The following RUSC2 variants were observed in gnomAD, a reference collection of about 807,000 sequenced individuals.
RUSC2 encodes the protein AP-4 complex accessory subunit RUSC2.
In RUSC2, 34 loss-of-function variants were observed where a neutral mutation model predicts 122.2. The observed-to-expected ratio is 0.28, with a 90% CI of 0.21 to 0.37. RUSC2 has a LOEUF of 0.37. Ranked by LOEUF, RUSC2 falls within the 10% of genes least tolerant of loss-of-function variation. The probability of loss-of-function intolerance (pLI) is 1.00; values close to 1 mark genes in which losing one functional copy is unlikely to be tolerated. For synonymous variants in RUSC2, 784 were observed against 790.0 expected, an observed-to-expected ratio of 0.99 and a Z score of 0.13; for missense variants, 1,747 against 1,952.4, an observed-to-expected ratio of 0.89 and a Z score of 1.98.
chr9:35,560,558 A>C lies in RUSC2; in HGVS notation c.3918A>C (p.Ala1306=), dbSNP rs982282832. The C allele has an allele frequency of 6.2e-7, 1 of 1,614,098 alleles. No homozygotes were observed. Among genetic ancestry groups the C allele is most frequent in the Non-Finnish European group, 8.5e-7 (1 of 1,179,992 alleles). Reference sequence around the variant, plus strand: ...GCAGCAGCGAGAAAAAGAAAGGGGCAGGAGGTGGGGGACCTCCCCAGGCTC... The same window carrying C: ...GCAGCAGCGAGAAAAAGAAAGGGGCCGGAGGTGGGGGACCTCCCCAGGCTC... The part of the protein sequence containing the change: ...SNSSSEKKKG[A]GGGGPPQAPP... Residue 1306 remains alanine, a synonymous_variant, in exon 10 of 12, where the codon GCA becomes GCC. Transcript: ENST00000361226.
chr9:35,506,886 C>T (rs1296279281), intron 1 of RUSC2, among the ~76,000 whole-genome samples: 1 of 152,170 alleles, frequency 6.6e-6, no homozygotes, highest in Admixed American at 6.5e-5. Flanking sequence ...GAGCCCAAGG[C>T]AGGAGGATCA....
intron 1 of RUSC2, among the ~76,000 whole-genome samples, chr9:35,517,959 AC>A (rs2132513413): frequency 6.6e-6 from 1 of 152,338 alleles, no homozygotes; most frequent in Non-Finnish European, 1.5e-5. Context: ...CTTTGAGAGA[AC>A]AGGTACTCTG....
intron 8 of RUSC2, 67 bp from the exon 9 acceptor site, chr9:35,559,159 C>A: frequency 7.7e-7 from 1 of 1,305,900 alleles, no homozygotes; most frequent in South Asian, 1.2e-5. Context: ...GCCTGACCCC[C>A]TGGATCTGTC....
Position 35,559,402 on chromosome 9 carries a change from TCAGGCTTCCA to T in RUSC2, c.3388+132_3388+141del. Reference sequence around the variant, plus strand: ...CACACAAGCGTTCATCCTCAGAGCCTCAGGCTTCCACCCAAGGCCTTCCCCAGCCTCTGCT... The same window carrying T: ...CACACAAGCGTTCATCCTCAGAGCCTCCCAAGGCCTTCCCCAGCCTCTGCT... On this transcript the variant is annotated intron_variant, in intron 9 of 11. Coordinates refer to ENST00000361226, the MANE Select transcript of RUSC2 (RefSeq NM_014806.5). 4 of 805,996 alleles carry T rather than the reference TCAGGCTTCCA, an allele frequency of 5.0e-6. No homozygotes were observed. The East Asian group carries it at 1.0e-4, about 21-fold the overall frequency. 49.9% of individuals were successfully genotyped at this position (805,996 alleles called of 1,614,324 possible).
At chr9:35,533,298 C>G (rs773458791) in intron 1 of RUSC2, among the ~76,000 whole-genome samples, 1 of 151,634 alleles carries the variant, frequency 6.6e-6, no homozygotes, top group South Asian at 2.1e-4. Flanking sequence ...AGAGGACTAT[C>G]TGACGTCCTT....
At chr9:35,535,267 C>A (rs1278723563) in intron 1 of RUSC2, among the ~76,000 whole-genome samples, 1 of 151,926 alleles carries the variant, frequency 6.6e-6, no homozygotes, top group Non-Finnish European at 1.5e-5. Flanking sequence ...AGGTGCCCAC[C>A]ACCACACCCC....
At chr9:35,505,033 AGTT>A (rs1820886757) in intron 1 of RUSC2, among the ~76,000 whole-genome samples, 1 of 152,206 alleles carries the variant, frequency 6.6e-6, no homozygotes, top group African/African-American at 2.4e-5. Context: ...ACACTTAAAC[AGTT>A]GTTATGAAGT....
chr9:35,541,030 CTT>C (rs887948490), intron 1 of RUSC2, among the ~76,000 whole-genome samples: 18 of 152,042 alleles, frequency 1.2e-4, no homozygotes, highest in African/African-American at 4.3e-4. Flanking sequence ...TAAATGATCA[CTT>C]ATAGTATTAT....
At chr9:35,544,847 C>T (rs977172034) in intron 1 of RUSC2, among the ~76,000 whole-genome samples, 22 of 152,062 alleles carry the variant, frequency 1.4e-4, no homozygotes, top group African/African-American at 5.3e-4. Context: ...TCCAAGATAA[C>T]AAAGATTTAC....
Position 35,558,224 on chromosome 9 carries a change from C to T in RUSC2, c.3088C>T (p.Pro1030Ser). The change falls in exon 7 of 12, where the codon CCC becomes TCC. Residue 1030 changes from proline (P) to serine (S), a missense_variant. Pro to Ser is a moderately conservative substitution (Grantham distance 74). Coordinates refer to ENST00000361226, the MANE Select transcript of RUSC2 (RefSeq NM_014806.5). This position sits in a 1 kb window ranked among gnomAD's most constrained non-coding sequence, Gnocchi z 4.3. ...KAKLGNSSVS[P>S]NVGHLVLKYL... ...AAAGCTGGGAAACAGTTCTGTGAGC[C>T]CCAATGTGGGCCACCTGGTTCTGAA... The T allele has an allele frequency of 6.2e-7, 1 of 1,613,804 alleles. No individual in the cohort carries two copies. Among genetic ancestry groups the T allele is most frequent in the Non-Finnish European group, 8.5e-7 (1 of 1,180,002 alleles).
At position 35,547,703 on chromosome 9, in the gene RUSC2, A is replaced by G; in HGVS notation, c.1182A>G (p.Gln394=). 6.2e-7 allele frequency: 1 copy of G among 1,614,120 alleles called. No homozygotes were observed. The highest frequency in any genetic ancestry group is 2.2e-5 in the East Asian group (1 of 44,888). ...AGGCCCGTCTTGTTGTGGCCACACA[A>G]AATTACTATAAACTTGTCACCTGTG... ...QSQARLVVAT[Q]NYYKLVTCDL... is the part of the protein sequence containing the mutation. Residue 394 remains glutamine, a synonymous_variant, in exon 2 of 12, where the codon CAA becomes CAG. Transcript: ENST00000361226. This position sits in a 1 kb window ranked among gnomAD's most constrained non-coding sequence, Gnocchi z 4.6.
At chr9:35,523,958 G>T (rs1821271413) in intron 1 of RUSC2, among the ~76,000 whole-genome samples, 1 of 152,050 alleles carries the variant, frequency 6.6e-6, no homozygotes, top group Non-Finnish European at 1.5e-5. Flanking sequence ...AATAAATTAA[G>T]AAAGGAAGGA....
At chr9:35,511,225 C>T (rs1821005533) in intron 1 of RUSC2, among the ~76,000 whole-genome samples, 1 of 152,106 alleles carries the variant, frequency 6.6e-6, no homozygotes, top group Non-Finnish European at 1.5e-5. Context: ...ACTCAGCAGT[C>T]CCTATTGGAA....
intron 1 of RUSC2, among the ~76,000 whole-genome samples, chr9:35,537,495 A>G (rs1400261310): frequency 1.3e-5 from 2 of 152,116 alleles, no homozygotes; most frequent in African/African-American, 4.8e-5. Flanking sequence ...TTCTTGCTTT[A>G]TAGGATCAAG....
chr9:35,547,022 A>T lies in RUSC2; in HGVS notation c.501A>T (p.Gly167=). The T allele has an allele frequency of 6.2e-7, 1 of 1,607,760 alleles. No homozygotes were observed. Among genetic ancestry groups the T allele is most frequent in the Non-Finnish European group, 8.5e-7 (1 of 1,176,192 alleles). The change falls in exon 2 of 12, where the codon GGA becomes GGT. Residue 167 remains glycine (G), a synonymous_variant. Coordinates refer to ENST00000361226, the MANE Select transcript of RUSC2 (RefSeq NM_014806.5). This position sits in a 1 kb window ranked among gnomAD's most constrained non-coding sequence, Gnocchi z 4.6. ...GGGGGACAACACGCAGTCGGGCTGG[A>T]GTGGTGGAAGGGCAGGAACAGGAGC... ...RPWGTTRSRA[G]VVEGQEQEPV... is the part of the protein sequence containing the mutation.
intron 1 of RUSC2, among the ~76,000 whole-genome samples, chr9:35,504,345 T>C (rs1004762451): frequency 6.6e-6 from 1 of 152,246 alleles, no homozygotes; most frequent in Non-Finnish European, 1.5e-5. Flanking sequence ...AAGGTGGTAA[T>C]TTATTGTTTT....
At chr9:35,528,873 G>T (rs1460237043) in intron 1 of RUSC2, among the ~76,000 whole-genome samples, 1 of 151,914 alleles carries the variant, frequency 6.6e-6, no homozygotes, top group Non-Finnish European at 1.5e-5. Context: ...CTCTCTTGAG[G>T]CCAGGAATTC....
rs750299564 is a variant in RUSC2, at chr9:35,555,491, C to A, written c.2446C>A (p.Pro816Thr). Reference sequence around the variant, plus strand: ...GCCCACAGCCACAGAAAGCCTGCCCCCATGGAGCCACTCCTGTCCTTCTGC... The same window carrying A: ...GCCCACAGCCACAGAAAGCCTGCCCACATGGAGCCACTCCTGTCCTTCTGC... Reference protein sequence around the residue: ...EQPTATESLPPWSHSCPSAVR... With the variant: ...EQPTATESLPTWSHSCPSAVR... Residue 816 changes from proline (P) to threonine (T), a missense_variant, in exon 3 of 12, where the codon CCA becomes ACA. Physicochemically the swap from Pro to Thr is conservative, Grantham distance 38 (BLOSUM62 -1). Transcript: ENST00000361226. This position sits in a 1 kb window ranked among gnomAD's most constrained non-coding sequence, Gnocchi z 4.6. The A allele has an allele frequency of 3.7e-6, 6 of 1,614,226 alleles. No homozygotes were observed. Among genetic ancestry groups the A allele is most frequent in the Non-Finnish European group, 5.1e-6 (6 of 1,180,038 alleles).
At position 35,547,977 on chromosome 9, in the gene RUSC2, C is replaced by G. The variant is rs1178518781; in HGVS notation, c.1456C>G (p.Pro486Ala). The change falls in exon 2 of 12, where the codon CCC (proline) becomes GCC (alanine). Residue 486 changes from proline (P) to alanine (A), a missense_variant. Transcript: ENST00000361226. The surrounding 1 kb of genome is among the most constrained non-coding windows in gnomAD (Gnocchi z 4.6). ...GGGACAAGTATACACGAATACTTCACCCCCCAACCTCAGCACTGGACGTCA... is the reference window on the plus strand; with the variant it reads ...GGGACAAGTATACACGAATACTTCAGCCCCCAACCTCAGCACTGGACGTCA... ...LEGQVYTNTS[P>A]PNLSTGRQRS... The G allele has an allele frequency of 6.2e-7, 1 of 1,614,010 alleles. No homozygotes were observed. The highest frequency in any genetic ancestry group is 1.3e-5 in the African/African-American group (1 of 74,944).
Sources: allele counts gnomAD v4.1 joint callset (sites outside exome capture counted in the v4.1 genomes callset), GRCh38; gene constraint gnomAD v4.1.1; non-coding constraint Gnocchi (gnomAD v3.1); transcripts MANE v1.5; gene names NCBI Gene and HGNC (gene_info 2026-07-23, HGNC 2026-07-21).